Variants in PRKN observed in about 807,000 individuals in gnomAD.
The protein encoded by PRKN is E3 ubiquitin-protein ligase parkin.
In PRKN, 56 loss-of-function variants were observed where a neutral mutation model predicts 59.5. That is an observed-to-expected ratio of 0.94 (90% CI 0.76 to 1.18). The LOEUF (loss-of-function observed/expected upper bound fraction) is 1.18. Among genes scored for constraint, PRKN ranks in the 50% most tolerant of loss-of-function variants. PRKN has a pLI of 0.00. For synonymous variants in PRKN, 250 were observed against 222.1 expected, an observed-to-expected ratio of 1.13 and a Z score of -1.12; for missense variants, 657 against 596.4, an observed-to-expected ratio of 1.10 and a Z score of -1.06.
At chr6:161,998,735 T>C (rs1781935833) in intron 5 of PRKN, among the ~76,000 whole-genome samples, 1 of 152,162 alleles carries the variant, frequency 6.6e-6, no homozygotes, top group South Asian at 2.1e-4. Flanking sequence ...GAATAAAAGA[T>C]AGTGTAAGAG....
intron 1 of PRKN, chr6:162,727,283 A>AGGGGTGAAGGTGAGGGGCGGCGGC (rs112041767): frequency 1.1e-5 from 3 of 265,972 alleles, no homozygotes; most frequent in Non-Finnish European, 2.1e-5. Context: ...CAGTGAGGTG[A>AGGGGTGAAGGTGAGGGGCGGCGGC]GGGGCGAAGG....
chr6:161,743,239 T>TTTTTTTTTTG (rs1788267607), intron 7 of PRKN, among the ~76,000 whole-genome samples: 1 of 130,288 alleles, frequency 7.7e-6, no homozygotes, highest in African/African-American at 3.0e-5. Flanking sequence ...TTTTTTTTTT[T>TTTTTTTTTTG]GAGACGGAGT....
chr6:161,982,290 G>A lies in PRKN; in HGVS notation c.619-8873C>T, dbSNP rs934080135. Among the ~76,000 whole-genome samples the A allele has an allele frequency of 9.6e-5, 12 of 125,468 alleles. 1 individual carries two copies. Among genetic ancestry groups the A allele is most frequent in the African/African-American group, 2.6e-4 (8 of 30,460 alleles). The allele number at this position is 125,468 out of a possible 152,430, so 82.3% of individuals were successfully genotyped here. On this transcript the variant is annotated intron_variant, in intron 5 of 11. Transcript: ENST00000366898. The stretch of plus-strand genomic sequence containing the variant: ...AAATGGAAGAACATTCCATGCTCAT[G>A]GGTAGGAAGAATCAATATCGTGAAA...
chr6:161,536,183 C>T (rs1028070970), intron 9 of PRKN, among the ~76,000 whole-genome samples: 1 of 152,076 alleles, frequency 6.6e-6, no homozygotes, highest in African/African-American at 2.4e-5. Flanking sequence ...AAACAGAAAG[C>T]CCCAATTTAA....
rs534936444 is a variant in PRKN, at chr6:161,498,094, T to C, written c.1083+50760A>G. ...ACTGGCTTTTTTCATTAGTTATTTA[T>C]AAAGCTCTTATTAGATTGGTTAAAT... On this transcript the variant is annotated intron_variant, in intron 9 of 11. Transcript: ENST00000366898. This position sits in a 1 kb window ranked among gnomAD's most constrained non-coding sequence, Gnocchi z 4.2. Among the ~76,000 whole-genome samples, 1 of 152,270 alleles carries C rather than the reference T, an allele frequency of 6.6e-6. No individual in the cohort carries two copies. Among genetic ancestry groups the C allele is most frequent in the African/African-American group, 2.4e-5 (1 of 41,550 alleles).
intron 6 of PRKN, among the ~76,000 whole-genome samples, chr6:161,823,143 C>T (rs1004327888): frequency 6.6e-6 from 1 of 150,400 alleles, no homozygotes; most frequent in African/African-American, 2.4e-5. Flanking sequence ...TTCTATGTTG[C>T]CCAGGCTAAT....
At position 162,240,813 on chromosome 6, in the gene PRKN, A is replaced by G. The variant is rs538536164; in HGVS notation, c.412+21712T>C. Among the ~76,000 whole-genome samples the G allele has an allele frequency of 1.3e-3, 196 of 152,352 alleles. 1 individual carries two copies. Among genetic ancestry groups the G allele is most frequent in the African/African-American group, 4.3e-3 (180 of 41,594 alleles). ...ATACTTAAGAGTAGAGTTACCTACC[A>G]AAGTACCATTCAGTTCAACACATTT... On this transcript the variant is annotated intron_variant, in intron 3 of 11. Coordinates refer to ENST00000366898, the MANE Select transcript of PRKN (RefSeq NM_004562.3).
chr6:162,266,540 A>G (rs1780145948), intron 2 of PRKN: 1 of 152,168 alleles, frequency 6.6e-6, no homozygotes, highest in South Asian at 2.1e-4. Flanking sequence ...AATGAATATA[A>G]ACAGTCATAA....
chr6:161,452,290 A>C (rs528165252), intron 9 of PRKN, among the ~76,000 whole-genome samples: 1 of 152,310 alleles, frequency 6.6e-6, no homozygotes, highest in South Asian at 2.1e-4. Context: ...TGATTTAAAA[A>C]ATAGTTTTGT....
chr6:162,354,771 G>T (rs564553181), intron 2 of PRKN, among the ~76,000 whole-genome samples: 5 of 151,942 alleles, frequency 3.3e-5, no homozygotes, highest in Admixed American at 2.0e-4. Flanking sequence ...TGTATTATTT[G>T]TCTTTACTGT....
At chr6:162,673,805 G>A (rs923530816) in intron 1 of PRKN, among the ~76,000 whole-genome samples, 4 of 152,162 alleles carry the variant, frequency 2.6e-5, no homozygotes, top group African/African-American at 4.8e-5. Flanking sequence ...TCAATCATAC[G>A]TTCAAACTTT....
At position 162,304,292 on chromosome 6, in the gene PRKN, G is replaced by T. The variant is rs1000086259; in HGVS notation, c.172-41527C>A. Reference sequence around the variant, plus strand: ...TATTTATGCTGTTTTTTTCTCCTATGTACACACTATAGAAATGGAAACTTC... The same window carrying T: ...TATTTATGCTGTTTTTTTCTCCTATTTACACACTATAGAAATGGAAACTTC... On this transcript the variant is annotated intron_variant, in intron 2 of 11. Transcript: ENST00000366898. Among the ~76,000 whole-genome samples, 4 of 150,436 alleles carry T rather than the reference G, an allele frequency of 2.7e-5. 1 individual carries two copies. Among genetic ancestry groups the T allele is most frequent in the Non-Finnish European group, 5.9e-5 (4 of 67,510 alleles).
At chr6:162,042,979 A>T (rs978131265) in intron 5 of PRKN, among the ~76,000 whole-genome samples, 2 of 152,210 alleles carry the variant, frequency 1.3e-5, no homozygotes, top group African/African-American at 4.8e-5. Context: ...AAAAACAGGA[A>T]GAAAAAGAGG....
In PRKN at chr6:161,487,103, G is replaced by C. The variant is rs57978460; in HGVS notation, c.1083+61751C>G. 8.1e-3 allele frequency among the ~76,000 whole-genome samples: 1,227 copies of C among 152,306 alleles called. 16 individuals are homozygous for C. The highest frequency in any genetic ancestry group is 0.028 in the African/African-American group (1,172 of 41,572). On this transcript the variant is annotated intron_variant, in intron 9 of 11. Coordinates refer to ENST00000366898, the MANE Select transcript of PRKN (RefSeq NM_004562.3). This position sits in a 1 kb window ranked among gnomAD's most constrained non-coding sequence, Gnocchi z 5.3. ...ATGGGTGTCCTGGTTGAGGGGCGATGAGGTAAGAATGACTAATGCTTATGA... is the reference window on the plus strand; with the variant it reads ...ATGGGTGTCCTGGTTGAGGGGCGATCAGGTAAGAATGACTAATGCTTATGA...
intron 2 of PRKN, among the ~76,000 whole-genome samples, chr6:162,360,423 T>C (rs906904254): frequency 6.6e-5 from 10 of 152,206 alleles, no homozygotes; most frequent in African/African-American, 2.4e-4. Flanking sequence ...AACAAATTAA[T>C]GGATTTTGAA....
chr6:162,313,519 C>T lies in PRKN; in HGVS notation c.172-50754G>A, dbSNP rs1782618682. Among the ~76,000 whole-genome samples, 4 of 151,736 alleles carry T rather than the reference C, an allele frequency of 2.6e-5. No homozygotes were observed. In the South Asian group the frequency reaches 8.3e-4, roughly 32 times the overall value. The stretch of plus-strand genomic sequence containing the variant: ...TTTATTTTTTTGAAATGTAGTTTTG[C>T]TCTTGTTCCCCAGGCTGGAATCCAA... On this transcript the variant is annotated intron_variant, in intron 2 of 11. Coordinates refer to ENST00000366898, the MANE Select transcript of PRKN (RefSeq NM_004562.3).
At chr6:162,453,687 G>A (rs1790730139) in intron 1 of PRKN, among the ~76,000 whole-genome samples, 1 of 152,144 alleles carries the variant, frequency 6.6e-6, no homozygotes, top group Non-Finnish European at 1.5e-5. Flanking sequence ...CAGATCACCT[G>A]AGGTCAGGAG....
intron 4 of PRKN, among the ~76,000 whole-genome samples, chr6:162,110,049 T>C (rs2128301928): frequency 6.6e-6 from 1 of 152,342 alleles, no homozygotes; most frequent in East Asian, 1.9e-4. Flanking sequence ...AAGTTTGTTG[T>C]TTGCAACAGT....
intron 6 of PRKN, among the ~76,000 whole-genome samples, chr6:161,829,929 G>C (rs2128218403): frequency 6.6e-6 from 1 of 151,698 alleles, no homozygotes; most frequent in African/African-American, 2.4e-5. Flanking sequence ...CAAGTTTGCA[G>C]AGCTAGGGAT....
Sources: gnomAD v4.1 joint callset for allele counts (sites outside exome capture counted in the v4.1 genomes callset) on GRCh38, gnomAD v4.1.1 for gene constraint, Gnocchi (gnomAD v3.1) non-coding constraint, MANE v1.5 for transcripts, NCBI Gene and HGNC (gene_info 2026-07-23, HGNC 2026-07-21) for gene names.